ANKRD27: variants seen among roughly 807,000 people sequenced by gnomAD.
ANKRD27 encodes ankyrin repeat domain 27.
ANKRD27 carries 112 observed loss-of-function variants against 129.7 expected under a neutral mutation model. That is an observed-to-expected ratio of 0.86 (90% CI 0.74 to 1.01). The LOEUF (loss-of-function observed/expected upper bound fraction) is 1.01, where lower values mean the gene tolerates loss of function less well. ANKRD27 is among the 50% of genes least tolerant of loss of function. The probability of loss-of-function intolerance (pLI) is 0.00; values close to 1 mark genes in which losing one functional copy is unlikely to be tolerated. For synonymous variants in ANKRD27, 516 were observed against 511.2 expected, an observed-to-expected ratio of 1.01 and a Z score of -0.13; for missense variants, 1,258 against 1,300.5, an observed-to-expected ratio of 0.97 and a Z score of 0.50.
intron 1 of ANKRD27, among the ~76,000 whole-genome samples, chr19:32,674,196 T>C (rs1022011852): frequency 6.6e-6 from 1 of 151,942 alleles, no homozygotes; most frequent in African/African-American, 2.4e-5. Flanking sequence ...AAAAAAAATA[T>C]CCACTGCTCT....
rs771343621 is a variant in ANKRD27 at position 32,649,808 on chromosome 19, C to T, written c.103-16G>A. 7 of 1,544,938 alleles carry T rather than the reference C, an allele frequency of 4.5e-6. No individual in the cohort carries two copies. Among genetic ancestry groups the T allele is most frequent in the East Asian group, 2.2e-5 (1 of 44,610 alleles). ...GTACTAAGACCTGGAAAAAACAATT[C>T]GGGGCAACATTAGACAGACGTGCCA... On this transcript the variant is annotated splice_polypyrimidine_tract_variant and intron_variant, in intron 2 of 28. Transcript: ENST00000306065.
intron 9 of ANKRD27, 40 bp downstream of exon 9, chr19:32,643,083 G>A (rs767817570): frequency 2.5e-6 from 4 of 1,598,620 alleles, no homozygotes; most frequent in Admixed American, 1.7e-5. Flanking sequence ...CAGCACCCCT[G>A]CCTCTGAGGA....
chr19:32,635,021 A>T (rs1026594500), intron 12 of ANKRD27, among the ~76,000 whole-genome samples: 2 of 152,230 alleles, frequency 1.3e-5, no homozygotes, highest in African/African-American at 4.8e-5. Flanking sequence ...CTGAAATAAA[A>T]GGAGGTGTGA....
chr19:32,669,888 T>C (rs1286019843), intron 1 of ANKRD27, among the ~76,000 whole-genome samples: 1 of 151,244 alleles, frequency 6.6e-6, no homozygotes, highest in Admixed American at 6.6e-5. Flanking sequence ...TCCCAGCTAC[T>C]TGGAGGCTGA....
chr19:32,631,057 C>T (rs573844635), intron 13 of ANKRD27, among the ~76,000 whole-genome samples: 32 of 152,132 alleles, frequency 2.1e-4, no homozygotes, highest in African/African-American at 7.0e-4. Flanking sequence ...GTCTCTCTGT[C>T]GCCCAGGCTA....
chr19:32,625,858 A>G lies in ANKRD27; in HGVS notation c.1629+16T>C. 6.4e-7 allele frequency: 1 copy of G among 1,565,476 alleles called. No homozygotes were observed. ...AGGGTGAACGCAGCCCCCCCGGAAC[A>G]GCAAGAGCCACTCACGTCCTCGTGG... is the stretch of plus-strand genomic sequence containing the variant. On this transcript the variant is annotated intron_variant, in intron 17 of 28. Transcript: ENST00000306065.
In ANKRD27 at chr19:32,640,351, T is replaced by C. The variant is rs779491058; in HGVS notation, c.939A>G (p.Leu313=). 1.7e-5 allele frequency: 27 copies of C among 1,613,934 alleles called. No homozygotes were observed. The South Asian group carries it at 2.4e-4, about 14-fold the overall frequency. The part of the protein sequence containing the change: ...NLETMCADDL[L]SVLLYLLVKT... ...TCACAAGCAAGTATAACAGGACTGA[T>C]AGCAGATCATCAGCACACATGGTCT... Residue 313 remains leucine (L), a synonymous_variant, in exon 11 of 29, where the codon CTA becomes CTG. Transcript: ENST00000306065.
intron 22 of ANKRD27, among the ~76,000 whole-genome samples, chr19:32,612,129 G>C (rs1599738317): frequency 6.6e-6 from 1 of 152,248 alleles, no homozygotes; most frequent in African/African-American, 2.4e-5. Flanking sequence ...ACAACTGCTT[G>C]AAAGAAGATG....
At chr19:32,645,373 C>T (rs1022783538) in intron 4 of ANKRD27, among the ~76,000 whole-genome samples, 1 of 151,976 alleles carries the variant, frequency 6.6e-6, no homozygotes, top group Non-Finnish European at 1.5e-5. Flanking sequence ...GATTGCGCCA[C>T]TGCACTCCAG....
At chr19:32,656,103 G>GAAAGAAAGGA (rs1555747136) in intron 2 of ANKRD27, among the ~76,000 whole-genome samples, 3 of 123,756 alleles carry the variant, frequency 2.4e-5, no homozygotes, top group South Asian at 2.8e-4. Flanking sequence ...AAGAAAGAAA[G>GAAAGAAAGGA]AAAGAAAAGA....
At chr19:32,632,443 G>C (rs1967011778) in intron 12 of ANKRD27, among the ~76,000 whole-genome samples, 1 of 151,836 alleles carries the variant, frequency 6.6e-6, no homozygotes, top group Non-Finnish European at 1.5e-5. Flanking sequence ...AAATTAGCCG[G>C]GTGTGGTGGC....
chr19:32,614,114 G>A (rs994380421), intron 22 of ANKRD27, among the ~76,000 whole-genome samples: 2 of 152,102 alleles, frequency 1.3e-5, no homozygotes, highest in Non-Finnish European at 1.5e-5. Flanking sequence ...GGCTGTAAGA[G>A]GGCAGTTTGA....
Position 32,620,885 on chromosome 19 carries a change from C to CAA in ANKRD27, c.1828-1334_1828-1333dup, listed in dbSNP as rs746859989. Among the ~76,000 whole-genome samples, 11 of 75,302 alleles carry CAA rather than the reference C, an allele frequency of 1.5e-4. No individual in the cohort carries two copies. In the Admixed American group the frequency reaches 1.6e-3, roughly 11 times the overall value. The allele number at this position is 75,302 out of a possible 152,430, so 49.4% of individuals were successfully genotyped here. A position where few individuals can be genotyped will look rare whatever the true frequency, so the allele number is the denominator to read the frequency against. ...TGGGCAATACAGCCAAACCTTGTCT[C>CAA]AAAAAAAAAAAAAAAAAAAAAAAAA... On this transcript the variant is annotated intron_variant, in intron 18 of 28. Coordinates refer to ENST00000306065, the MANE Select transcript of ANKRD27 (RefSeq NM_032139.3).
intron 12 of ANKRD27, chr19:32,638,895 G>A (rs970695182): frequency 3.9e-5 from 8 of 206,892 alleles, no homozygotes; most frequent in Middle Eastern, 1.7e-3. Context: ...CAGGCCAGTA[G>A]CACAAGCCGA....
intron 4 of ANKRD27, among the ~76,000 whole-genome samples, chr19:32,645,184 C>T (rs1201454630): frequency 3.9e-5 from 6 of 152,062 alleles, no homozygotes; most frequent in Admixed American, 6.6e-5. Flanking sequence ...GAGGCTGAGG[C>T]GGGCAGATCA....
At chr19:32,613,594 A>C (rs1971864886) in intron 22 of ANKRD27, among the ~76,000 whole-genome samples, 1 of 152,210 alleles carries the variant, frequency 6.6e-6, no homozygotes, top group Non-Finnish European at 1.5e-5. Context: ...AACAAATGGA[A>C]TGCCACCCCG....
At chr19:32,655,497 T>A (rs863905) in intron 2 of ANKRD27, among the ~76,000 whole-genome samples, 3 of 152,056 alleles carry the variant, frequency 2.0e-5, no homozygotes, top group Non-Finnish European at 4.4e-5. Context: ...CCGGTGTCCC[T>A]GAAAGGAAGG....
At chr19:32,613,274 A>T (rs142411163) in intron 22 of ANKRD27, among the ~76,000 whole-genome samples, 2 of 152,282 alleles carry the variant, frequency 1.3e-5, no homozygotes, top group Non-Finnish European at 2.9e-5. Flanking sequence ...TAATGACCAC[A>T]CCCAGTGCTG....
rs781567816 is a variant in ANKRD27 at position 32,598,272 on chromosome 19, G to A, written c.3026C>T (p.Thr1009Ile). 1 of 1,614,196 alleles carries A rather than the reference G, an allele frequency of 6.2e-7. No individual in the cohort carries two copies. Among genetic ancestry groups the A allele is most frequent in the South Asian group, 1.1e-5 (1 of 91,086 alleles). ...CCGTCTGTGTCCAGGGCCAGTCTGTGTCAGTCCAGGCCTCTCTGGCCAGTC... is the reference window on the plus strand; with the variant it reads ...CCGTCTGTGTCCAGGGCCAGTCTGTATCAGTCCAGGCCTCTCTGGCCAGTC... The part of the protein sequence containing the change: ...NSDWPERPGL[T>I]QTGPGHRRML... Residue 1009 changes from threonine to isoleucine, a missense_variant, in exon 29 of 29, where the codon ACA (threonine) becomes ATA (isoleucine). Thr to Ile is a moderately conservative substitution (Grantham distance 89). Coordinates refer to ENST00000306065, the MANE Select transcript of ANKRD27 (RefSeq NM_032139.3).
Sources: gnomAD v4.1 joint callset for allele counts (sites outside exome capture counted in the v4.1 genomes callset) on GRCh38, gnomAD v4.1.1 for gene constraint, MANE v1.5 for transcripts, NCBI Gene and HGNC (gene_info 2026-07-23, HGNC 2026-07-21) for gene names.